DAB1: variants seen among roughly 807,000 people sequenced by gnomAD.
DAB1 encodes the protein DAB adaptor protein 1.
A neutral mutation model predicts 64.6 loss-of-function variants in DAB1; 15 were observed. That is an observed-to-expected ratio of 0.23 (90% CI 0.16 to 0.36). The LOEUF (loss-of-function observed/expected upper bound fraction) is 0.36. Ranked by LOEUF, DAB1 falls within the 10% of genes least tolerant of loss-of-function variation. The pLI, the probability that DAB1 is intolerant of heterozygous loss-of-function variation, is 1.00. For missense variants in DAB1, 596 were observed against 706.7 expected (o/e 0.84, Z 1.78); for synonymous variants, 235 against 251.9 (o/e 0.93, Z 0.64).
intron 4 of DAB1, among the ~76,000 whole-genome samples, chr1:58,251,391 A>G (rs1353057274): frequency 6.6e-6 from 1 of 152,240 alleles, no homozygotes; most frequent in Non-Finnish European, 1.5e-5. Flanking sequence ...GCAAGAAACT[A>G]TTGGATAGTA....
chr1:58,332,681 A>G (rs1662999036), intron 4 of DAB1, among the ~76,000 whole-genome samples: 1 of 152,216 alleles, frequency 6.6e-6, no homozygotes, highest in Non-Finnish European at 1.5e-5. Context: ...AATTATCCAC[A>G]GGATCCAAGA....
intron 5 of DAB1, among the ~76,000 whole-genome samples, chr1:57,892,139 T>C (rs1263060466): frequency 6.6e-6 from 1 of 152,186 alleles, no homozygotes. Flanking sequence ...CCTATAGCAC[T>C]ATAGTAGACA....
At chr1:58,109,882 C>G (rs573145588) in intron 5 of DAB1, among the ~76,000 whole-genome samples, 2 of 152,054 alleles carry the variant, frequency 1.3e-5, no homozygotes, top group South Asian at 4.2e-4. Context: ...CCACTGCCCC[C>G]ACTCCATGTC....
chr1:57,087,967 G>A (rs564190618), intron 4 of DAB1, among the ~76,000 whole-genome samples: 4 of 152,324 alleles, frequency 2.6e-5, no homozygotes, highest in Admixed American at 2.6e-4. Flanking sequence ...CAAAGATTCT[G>A]TCCTTGACCA....
intron 7 of DAB1, among the ~76,000 whole-genome samples, chr1:57,643,533 C>T (rs911828576): frequency 6.6e-6 from 1 of 152,048 alleles, no homozygotes; most frequent in Non-Finnish European, 1.5e-5. Flanking sequence ...TCAGTGTTTT[C>T]CCTTTGTGAC....
Position 58,031,965 on chromosome 1 carries a change from C to G in DAB1, n.387+118546G>C, listed in dbSNP as rs951707064. On this transcript the variant is annotated intron_variant and non_coding_transcript_variant, in intron 5 of 20. Coordinates refer to the DAB1 transcript ENST00000485760. ...AAATCTTCCCTTTGCTCCATTTTAT[C>G]ACAGCTGCAAGTACTGATAGAAACG... 2.7e-5 allele frequency among the ~76,000 whole-genome samples: 4 copies of G among 150,682 alleles called. No homozygotes were observed. In the South Asian group the frequency reaches 8.4e-4, roughly 32 times the overall value.
At chr1:57,200,598 G>GGTCA (rs371673683) in intron 2 of DAB1, among the ~76,000 whole-genome samples, 3 of 110,550 alleles carry the variant, frequency 2.7e-5, no homozygotes, top group Admixed American at 1.2e-4. Context: ...AGTGTGGTGA[G>GGTCA]GTCTAAATGA....
rs1010109949 is a variant in DAB1 at position 57,217,404 on chromosome 1, A to G, written c.68-71975T>C. Among the ~76,000 whole-genome samples, 8 of 152,152 alleles carry G rather than the reference A, an allele frequency of 5.3e-5. 1 individual carries two copies. The South Asian group carries it at 1.5e-3, about 28-fold the overall frequency. On this transcript the variant is annotated intron_variant, in intron 2 of 14. Transcript: ENST00000371236. ...TAGAATGAATTGGGCAAGGTGAAGGACCTGAATTATATGTCCTTATCGGTC... is the reference window on the plus strand; with the variant it reads ...TAGAATGAATTGGGCAAGGTGAAGGGCCTGAATTATATGTCCTTATCGGTC...
chr1:58,400,205 C>T (rs1035399974), intron 3 of DAB1, among the ~76,000 whole-genome samples: 1 of 151,430 alleles, frequency 6.6e-6, no homozygotes, highest in Non-Finnish European at 1.5e-5. Context: ...GCTTTCCATA[C>T]TTCCCAGTCA....
At position 58,409,674 on chromosome 1, in the gene DAB1, T is replaced by C. The variant is rs146541864; in HGVS notation, n.258-66271A>G. Reference sequence around the variant, plus strand: ...TTACGTGGACTTGGGACCATCCTTCTCCTCTCTAGACCTCATTTTTATTCC... The same window carrying C: ...TTACGTGGACTTGGGACCATCCTTCCCCTCTCTAGACCTCATTTTTATTCC... On this transcript the variant is annotated intron_variant and non_coding_transcript_variant, in intron 3 of 20. Transcript: ENST00000485760. Among the ~76,000 whole-genome samples the C allele has an allele frequency of 4.0e-3, 608 of 152,348 alleles. 7 individuals are homozygous for C. The highest frequency in any genetic ancestry group is 0.013 in the African/African-American group (559 of 41,584).
At chr1:58,087,424 T>C (rs1347393264) in intron 5 of DAB1, among the ~76,000 whole-genome samples, 3 of 152,244 alleles carry the variant, frequency 2.0e-5, no homozygotes, top group Non-Finnish European at 4.4e-5. Flanking sequence ...ATTCTCATTA[T>C]ACTCCTATTA....
rs948701129 is a variant in DAB1, at chr1:57,164,955, C to G, written c.68-19526G>C. Among the ~76,000 whole-genome samples, 3 of 152,192 alleles carry G rather than the reference C, an allele frequency of 2.0e-5. No homozygotes were observed. The South Asian group carries it at 6.2e-4, about 32-fold the overall frequency. On this transcript the variant is annotated intron_variant, in intron 2 of 14. Transcript: ENST00000371236. ...ATATCTGGTGGCAGGGAGACAGTTACTCTGTACTTGCTGAAGGGAAGGGAT... is the reference window on the plus strand; with the variant it reads ...ATATCTGGTGGCAGGGAGACAGTTAGTCTGTACTTGCTGAAGGGAAGGGAT...
rs555929447 is a variant in DAB1 at position 57,347,462 on chromosome 1, A to C, written c.-136-56296T>G. 1.7e-4 allele frequency among the ~76,000 whole-genome samples: 26 copies of C among 152,222 alleles called. 1 individual carries two copies. The South Asian group carries it at 5.4e-3, about 32-fold the overall frequency. On this transcript the variant is annotated intron_variant, in intron 1 of 14. Coordinates refer to ENST00000371236, the MANE Select transcript of DAB1 (RefSeq NM_001365792.1). Reference sequence around the variant, plus strand: ...CTAATGGTATGAAAGAGCTCTGTAAACTCTAATTTGCTGCACAAATGTATG... The same window carrying C: ...CTAATGGTATGAAAGAGCTCTGTAACCTCTAATTTGCTGCACAAATGTATG...
At chr1:57,704,523 A>T (rs1026659620) in intron 6 of DAB1, among the ~76,000 whole-genome samples, 6 of 152,222 alleles carry the variant, frequency 3.9e-5, no homozygotes, top group African/African-American at 1.4e-4. Context: ...AACACAAAGT[A>T]ATCTCAAGCA....
intron 1 of DAB1, among the ~76,000 whole-genome samples, chr1:57,834,240 A>C (rs1652710826): frequency 6.6e-6 from 1 of 152,214 alleles, no homozygotes; most frequent in South Asian, 2.1e-4. Flanking sequence ...GTGAAGTACA[A>C]AATGAAGCTT....
chr1:58,455,833 C>G (rs6587815), intron 3 of DAB1, among the ~76,000 whole-genome samples: 1 of 152,146 alleles, frequency 6.6e-6, no homozygotes, highest in Non-Finnish European at 1.5e-5. Flanking sequence ...TCTTTCCTTC[C>G]TCTCCCTCTA....
At chr1:57,509,534 C>G (rs535413500) in intron 7 of DAB1, among the ~76,000 whole-genome samples, 1 of 152,272 alleles carries the variant, frequency 6.6e-6, no homozygotes, top group East Asian at 1.9e-4. Flanking sequence ...CCTCTCACCT[C>G]TCATATGCCC....
At chr1:57,311,790 G>A (rs943641212) in intron 1 of DAB1, among the ~76,000 whole-genome samples, 4 of 152,174 alleles carry the variant, frequency 2.6e-5, no homozygotes, top group African/African-American at 9.7e-5. Flanking sequence ...GATATTGACT[G>A]TGTTTGTGTT....
intron 2 of DAB1, among the ~76,000 whole-genome samples, chr1:57,187,737 G>A (rs1419373884): frequency 6.6e-6 from 1 of 152,108 alleles, no homozygotes; most frequent in South Asian, 2.1e-4. Flanking sequence ...GTCATAAATC[G>A]TGAAGCTGGG....
Sources: gnomAD v4.1 joint callset for allele counts (sites outside exome capture counted in the v4.1 genomes callset) on GRCh38, gnomAD v4.1.1 for gene constraint, MANE v1.5 for transcripts, NCBI Gene and HGNC (gene_info 2026-07-23, HGNC 2026-07-21) for gene names.